CNTNAP4: variants seen among roughly 807,000 people sequenced by gnomAD.
CNTNAP4 encodes contactin associated protein family member 4.
In CNTNAP4, 98 loss-of-function variants were observed where a neutral mutation model predicts 148.4. That is an observed-to-expected ratio of 0.66 (90% CI 0.56 to 0.78). CNTNAP4 has a LOEUF of 0.78. CNTNAP4 is among the 30% of genes least tolerant of loss of function. The pLI, the probability that CNTNAP4 is intolerant of heterozygous loss-of-function variation, is 0.00. For missense variants in CNTNAP4, 1,935 were observed against 1,565.6 expected, an observed-to-expected ratio of 1.24 and a Z score of -3.98; for synonymous variants, 730 against 565.1, an observed-to-expected ratio of 1.29 and a Z score of -4.14.
chr16:76,514,468 C>T (rs887026497), intron 15 of CNTNAP4, among the ~76,000 whole-genome samples: 5 of 152,158 alleles, frequency 3.3e-5, no homozygotes, highest in Non-Finnish European at 5.9e-5. Context: ...ATATCTTCTT[C>T]AGTGATAGTT....
Position 76,553,322 on chromosome 16 carries a change from C to A in CNTNAP4, c.3482C>A (p.Ala1161Glu). Residue 1161 changes from alanine to glutamate, a missense_variant, in exon 22 of 24, where the codon GCG becomes GAG. By Grantham distance (107) the Ala-to-Glu change is moderately radical (BLOSUM62 -1). Coordinates refer to ENST00000611870, the MANE Select transcript of CNTNAP4 (RefSeq NM_033401.5). Reference protein sequence around the residue: ...DVDQDTALAGAQGFTGCLSAV... With the variant: ...DVDQDTALAGEQGFTGCLSAV... Reference sequence around the variant, plus strand: ...GACCAGGATACTGCACTGGCAGGTGCGCAGGGCTTCACAGGCTGCCTCTCT... The same window carrying A: ...GACCAGGATACTGCACTGGCAGGTGAGCAGGGCTTCACAGGCTGCCTCTCT... 1.9e-6 allele frequency: 3 copies of A among 1,612,556 alleles called. No individual in the cohort carries two copies. Among genetic ancestry groups the A allele is most frequent in the Non-Finnish European group, 2.5e-6 (3 of 1,179,200 alleles).
rs186731985 is a variant in CNTNAP4 at position 76,465,081 on chromosome 16, C to G, written c.1484-2271C>G. On this transcript the variant is annotated intron_variant, in intron 9 of 23. Transcript: ENST00000611870. The stretch of plus-strand genomic sequence containing the variant: ...CATTCTCCATCCAATGAACTGACTA[C>G]AGCACTGTGAAGTCTAACCTGACAT... Among the ~76,000 whole-genome samples, 5 of 152,316 alleles carry G rather than the reference C, an allele frequency of 3.3e-5. No homozygotes were observed. In the East Asian group the frequency reaches 9.7e-4, roughly 29 times the overall value.
chr16:76,335,946 G>T (rs1185766405), intron 2 of CNTNAP4, among the ~76,000 whole-genome samples: 1 of 152,074 alleles, frequency 6.6e-6, no homozygotes, highest in African/African-American at 2.4e-5. Context: ...GATTATCATA[G>T]GATTGTTCAC....
chr16:76,494,172 A>G (rs1317770947), intron 13 of CNTNAP4, among the ~76,000 whole-genome samples: 1 of 151,284 alleles, frequency 6.6e-6, no homozygotes, highest in Non-Finnish European at 1.5e-5. Context: ...TCCTTGCTCT[A>G]GTTACTTGGC....
At chr16:76,479,651 G>A (rs1046493469) in intron 12 of CNTNAP4, 113 bp downstream of exon 12, 1 of 1,028,756 alleles carries the variant, frequency 9.7e-7, no homozygotes, top group Non-Finnish European at 1.4e-6. Context: ...ATTAAAATAT[G>A]TATTGTTCCT....
chr16:76,325,938 T>A (rs552624432), intron 2 of CNTNAP4, among the ~76,000 whole-genome samples: 1 of 152,116 alleles, frequency 6.6e-6, no homozygotes, highest in Non-Finnish European at 1.5e-5. Flanking sequence ...ATAAAAAAAA[T>A]TAAAATATTT....
intron 3 of CNTNAP4, among the ~76,000 whole-genome samples, chr16:76,371,945 C>T (rs1404784487): frequency 6.6e-6 from 1 of 152,196 alleles, no homozygotes; most frequent in African/African-American, 2.4e-5. Context: ...CCTCACTTTT[C>T]CAATATTCAC....
intron 3 of CNTNAP4, among the ~76,000 whole-genome samples, chr16:76,366,298 A>T (rs1167126087): frequency 6.6e-6 from 1 of 152,088 alleles, no homozygotes; most frequent in East Asian, 1.9e-4. Flanking sequence ...TCCATTCTCA[A>T]GTAAGCCCCA....
intron 9 of CNTNAP4, among the ~76,000 whole-genome samples, chr16:76,463,632 C>T (rs2081067525): frequency 6.6e-6 from 1 of 152,212 alleles, no homozygotes; most frequent in East Asian, 1.9e-4. Context: ...ATCCAGTTTC[C>T]TCTATTGTTC....
chr16:76,396,662 C>A (rs576039482), intron 3 of CNTNAP4, among the ~76,000 whole-genome samples: 47 of 152,268 alleles, frequency 3.1e-4, no homozygotes, highest in African/African-American at 1.1e-3. Flanking sequence ...CATCCTCACT[C>A]ACAGCTGACA....
chr16:76,459,683 A>G (rs1034146801), intron 8 of CNTNAP4, among the ~76,000 whole-genome samples: 8 of 152,250 alleles, frequency 5.3e-5, no homozygotes, highest in African/African-American at 1.9e-4. Flanking sequence ...ATGCAATATC[A>G]GAAAAAAGGC....
chr16:76,433,505 A>G (rs974634596), intron 4 of CNTNAP4, among the ~76,000 whole-genome samples: 2 of 152,160 alleles, frequency 1.3e-5, no homozygotes, highest in South Asian at 2.1e-4. Flanking sequence ...ATAATAAACT[A>G]TAAAGTTGGA....
At chr16:76,292,560 G>A (rs1449521059) in intron 1 of CNTNAP4, among the ~76,000 whole-genome samples, 1 of 152,286 alleles carries the variant, frequency 6.6e-6, no homozygotes, top group East Asian at 1.9e-4. Flanking sequence ...CAGGTTTTCG[G>A]TTGTAACCAT....
rs904258410 is a variant in CNTNAP4, at chr16:76,539,847, A to G, written c.3349A>G (p.Ile1117Val). The G allele has an allele frequency of 6.3e-7, 1 of 1,585,584 alleles. No homozygotes were observed. The highest frequency in any genetic ancestry group is 8.5e-7 in the Non-Finnish European group (1 of 1,170,576). Reference protein sequence around the residue: ...MINREEGVVFIEIDDNRRRQV... With the variant: ...MINREEGVVFVEIDDNRRRQV... ...TAACAGAGAAGAAGGAGTGGTCTTT[A>G]TAGAGGTAATGTAGTAAATTCAGCA... The change falls in exon 20 of 24, where the codon ATA (isoleucine) becomes GTA (valine). Residue 1117 changes from isoleucine (I) to valine (V), a missense_variant. Physicochemically the swap from Ile to Val is conservative, Grantham distance 29 (BLOSUM62 3). Coordinates refer to ENST00000611870, the MANE Select transcript of CNTNAP4 (RefSeq NM_033401.5).
intron 1 of CNTNAP4, among the ~76,000 whole-genome samples, chr16:76,300,814 G>A (rs746103267): frequency 7.9e-5 from 12 of 152,012 alleles, no homozygotes; most frequent in African/African-American, 1.2e-4. Flanking sequence ...TGTCTTCATC[G>A]ATAAACATGA....
intron 2 of CNTNAP4, among the ~76,000 whole-genome samples, chr16:76,350,183 T>A (rs913676481): frequency 2.6e-5 from 4 of 152,102 alleles, no homozygotes; most frequent in Non-Finnish European, 5.9e-5. Context: ...TCAAAGATAG[T>A]TGTAATTACT....
chr16:76,297,292 A>G (rs1959414182), intron 1 of CNTNAP4, among the ~76,000 whole-genome samples: 1 of 152,230 alleles, frequency 6.6e-6, no homozygotes. Context: ...ATTTGAAATC[A>G]TATTGACTGG....
chr16:76,446,710 A>T (rs1204871451), intron 4 of CNTNAP4, among the ~76,000 whole-genome samples: 1 of 152,198 alleles, frequency 6.6e-6, no homozygotes, highest in Non-Finnish European at 1.5e-5. Flanking sequence ...TTGCCCTTAA[A>T]TACTACCACT....
intron 15 of CNTNAP4, among the ~76,000 whole-genome samples, chr16:76,498,970 G>A (rs1031964990): frequency 6.6e-6 from 1 of 151,986 alleles, no homozygotes; most frequent in African/African-American, 2.4e-5. Context: ...GAGTTTTAGT[G>A]ATGGTTACAC....
Sources: gnomAD v4.1 joint callset for allele counts (sites outside exome capture counted in the v4.1 genomes callset) on GRCh38, gnomAD v4.1.1 for gene constraint, MANE v1.5 for transcripts, NCBI Gene and HGNC (gene_info 2026-07-23, HGNC 2026-07-21) for gene names.